The following ZFP62 variants were observed in gnomAD, a reference collection of about 807,000 sequenced individuals.
ZFP62 encodes the protein ZFP62 zinc finger protein, also known as zinc finger protein 62 homolog.
Under a neutral mutation model 56.4 loss-of-function variants are expected in ZFP62, and 44 were observed. The ratio of observed to expected loss-of-function variants is 0.78; its 90% CI spans 0.61 to 1.00. The LOEUF (loss-of-function observed/expected upper bound fraction) is 1.00, where lower values mean the gene tolerates loss of function less well. ZFP62 is among the 50% of genes least tolerant of loss of function. The pLI is 0.00. For synonymous variants in ZFP62, 421 were observed against 388.9 expected, an observed-to-expected ratio of 1.08 and a Z score of -0.97; for missense variants, 1,030 against 1,085.7, an observed-to-expected ratio of 0.95 and a Z score of 0.72.
the ZFP62 span, chr5:180,829,848 T>G: frequency 6.6e-6 from 1 of 152,544 alleles, no homozygotes; most frequent in South Asian, 2.1e-4. Context: ...TGGGTGATAT[T>G]GTCAAGAGCC....
In ZFP62 at chr5:180,849,567, TTC is replaced by T; in HGVS notation, c.1926_1927del (p.Lys643ThrfsTer3). 6.4e-7 allele frequency: 1 copy of T among 1,552,202 alleles called. No homozygotes were observed. The highest frequency in any genetic ancestry group is 8.7e-7 in the Non-Finnish European group (1 of 1,147,110). ...CTCACACCTGTCACATTCATAGGGTTTCTCTCTAGTGTGGACCCTTCTGTGCT... is the reference window on the plus strand; with the variant it reads ...CTCACACCTGTCACATTCATAGGGTTTCTCTAGTGTGGACCCTTCTGTGCT... On this transcript the variant is annotated frameshift_variant, in exon 2 of 2. Transcript: ENST00000502412. LOFTEE classifies it high-confidence loss of function.
intron 1 of ZFP62, 94 bp downstream of exon 1, chr5:180,861,125 A>G: frequency 2.5e-6 from 1 of 398,744 alleles, no homozygotes; most frequent in Non-Finnish European, 4.4e-6. Context: ...ATCCCGCCCG[A>G]GACCCGCGGA....
Position 180,849,285 on chromosome 5 carries a change from G to A in ZFP62, c.2210C>T (p.Ser737Phe). The A allele has an allele frequency of 6.4e-7, 1 of 1,553,030 alleles. No homozygotes were observed. The highest frequency in any genetic ancestry group is 8.7e-7 in the Non-Finnish European group (1 of 1,147,658). Reference sequence around the variant, plus strand: ...AGAAAGGAGAGAGCTGTAACTGAAAGATTTCCCACACTCAACACACTTGAA... The same window carrying A: ...AGAAAGGAGAGAGCTGTAACTGAAAAATTTCCCACACTCAACACACTTGAA... ...KPFKCVECGKSFSYSSLLSQH... is the reference protein window; with the variant it reads ...KPFKCVECGKFFSYSSLLSQH... Residue 737 changes from serine to phenylalanine, a missense_variant, in exon 2 of 2, where the codon TCT becomes TTT. Physicochemically the swap from Ser to Phe is radical, Grantham distance 155 (BLOSUM62 -2). Transcript: ENST00000502412.
the ZFP62 span, among the ~76,000 whole-genome samples, chr5:180,841,318 CACATAT>C: frequency 9.4e-5 from 4 of 42,420 alleles, no homozygotes; most frequent in Admixed American, 6.1e-4. Flanking sequence ...TATACATACA[CACATAT>C]ATATATATAT....
chr5:180,831,393 G>C, the ZFP62 span: 1 of 152,154 alleles, frequency 6.6e-6, no homozygotes, highest in East Asian at 1.9e-4. Context: ...GCGCCATCGC[G>C]CAGCTTCCTG....
chr5:180,847,992 A>T lies in ZFP62; in HGVS notation c.*800T>A, dbSNP rs1773474453. On this transcript the variant is annotated 3_prime_UTR_variant, in exon 2 of 2. Coordinates refer to ENST00000502412, the MANE Select transcript of ZFP62 (RefSeq NM_001172638.2). ...AATGTGTCAAAATCCTCTCCACGGT[A>T]GAACCTTTTATTGTAGCATAATGTG... The T allele has an allele frequency of 1.0e-6, 1 of 985,456 alleles. No homozygotes were observed. The highest frequency in any genetic ancestry group is 1.2e-6 in the Non-Finnish European group (1 of 829,930). 61.0% of individuals were successfully genotyped at this position (985,456 alleles called of 1,614,324 possible). A position where few individuals can be genotyped will look rare whatever the true frequency, so the allele number is the denominator to read the frequency against.
chr5:180,836,906 T>C, the ZFP62 span, among the ~76,000 whole-genome samples: 30 of 152,262 alleles, frequency 2.0e-4, no homozygotes, highest in African/African-American at 4.8e-5. Context: ...GCTATACTTA[T>C]TAATATTGCA....
chr5:180,861,184 G>A (rs1361156393), intron 1 of ZFP62, 35 bp downstream of exon 1: 3 of 398,284 alleles, frequency 7.5e-6, no homozygotes, highest in African/African-American at 4.1e-5. Flanking sequence ...GCAAGGGCCG[G>A]GGGCGGGAGC....
At chr5:180,859,180 T>G (rs1168580063) in intron 1 of ZFP62, among the ~76,000 whole-genome samples, 1 of 152,180 alleles carries the variant, frequency 6.6e-6, no homozygotes, top group African/African-American at 2.4e-5. Flanking sequence ...CGGAACGACT[T>G]TCAATTTGCA....
At chr5:180,840,945 G>A in the ZFP62 span, among the ~76,000 whole-genome samples, 1 of 152,000 alleles carries the variant, frequency 6.6e-6, no homozygotes, top group Non-Finnish European at 1.5e-5. Context: ...GGAAAAAAGC[G>A]TCCAGAAAAA....
Position 180,848,677 on chromosome 5 carries a change from C to G in ZFP62, c.*115G>C, listed in dbSNP as rs1271121170. On this transcript the variant is annotated 3_prime_UTR_variant, in exon 2 of 2. Transcript: ENST00000502412. Reference sequence around the variant, plus strand: ...CACATAGAAAGGATTCCTCATAATCCTCTAGGATGGTTTCATTTACACTGT... The same window carrying G: ...CACATAGAAAGGATTCCTCATAATCGTCTAGGATGGTTTCATTTACACTGT... 1.7e-5 allele frequency: 24 copies of G among 1,417,350 alleles called. No homozygotes were observed. The highest frequency in any genetic ancestry group is 2.1e-5 in the Non-Finnish European group (23 of 1,083,216). 87.8% of individuals were successfully genotyped at this position (1,417,350 alleles called of 1,614,324 possible). A position where few individuals can be genotyped will look rare whatever the true frequency, so the allele number is the denominator to read the frequency against.
chr5:180,858,617 G>A (rs1453753492), intron 1 of ZFP62, among the ~76,000 whole-genome samples: 1 of 152,020 alleles, frequency 6.6e-6, no homozygotes, highest in Non-Finnish European at 1.5e-5. Flanking sequence ...CAAAAAAAAA[G>A]AAAGATCACT....
intron 1 of ZFP62, among the ~76,000 whole-genome samples, chr5:180,856,908 G>A (rs113693204): frequency 0.024 from 3,340 of 138,502 alleles, 134 homozygotes; most frequent in African/African-American, 0.084. Flanking sequence ...AGCTGAGATC[G>A]TGCCACTGCA....
At chr5:180,828,287 G>A in the ZFP62 span, among the ~76,000 whole-genome samples, 1 of 152,182 alleles carries the variant, frequency 6.6e-6, no homozygotes. Flanking sequence ...TGGAAGAAAG[G>A]GACACAGGGT....
the ZFP62 span, among the ~76,000 whole-genome samples, chr5:180,840,293 G>T: frequency 7.2e-5 from 11 of 152,344 alleles, no homozygotes; most frequent in East Asian, 1.4e-3. Flanking sequence ...GGGGCAGTCA[G>T]CTTCAGAGGG....
intron 1 of ZFP62, among the ~76,000 whole-genome samples, chr5:180,854,205 T>A (rs1424186730): frequency 1.3e-5 from 2 of 152,094 alleles, no homozygotes; most frequent in Non-Finnish European, 2.9e-5. Flanking sequence ...AAGATGAGCA[T>A]CATGCTATAC....
chr5:180,837,675 A>G, the ZFP62 span, among the ~76,000 whole-genome samples: 2 of 152,210 alleles, frequency 1.3e-5, no homozygotes, highest in African/African-American at 4.8e-5. Context: ...ATTGAAATTT[A>G]TGATAATTAA....
At chr5:180,857,027 T>C (rs1455573999) in intron 1 of ZFP62, among the ~76,000 whole-genome samples, 1 of 138,500 alleles carries the variant, frequency 7.2e-6, no homozygotes, top group Non-Finnish European at 1.5e-5. Flanking sequence ...ACTACAGGAA[T>C]AGCTTCAGGA....
chr5:180,844,613 G>A (rs1009647072), downstream of ZFP62, among the ~76,000 whole-genome samples: 2 of 152,178 alleles, frequency 1.3e-5, no homozygotes, highest in Non-Finnish European at 2.9e-5. Flanking sequence ...CAAGCGTGAG[G>A]CAGCCCTCAA....
Sources: gnomAD v4.1 joint callset for allele counts (sites outside exome capture counted in the v4.1 genomes callset) on GRCh38, gnomAD v4.1.1 for gene constraint, MANE v1.5 for transcripts, NCBI Gene and HGNC (gene_info 2026-07-23, HGNC 2026-07-21) for gene names.